ABCA3: variants seen among roughly 807,000 people sequenced by gnomAD.
The protein encoded by ABCA3 is ATP binding cassette subfamily A member 3.
In ABCA3, 88 loss-of-function variants were observed where a neutral mutation model predicts 172.8. The observed-to-expected ratio is 0.51, with a 90% confidence interval of 0.43 to 0.61. The LOEUF is 0.61. Ranked by LOEUF, ABCA3 falls within the 20% of genes least tolerant of loss-of-function variation. The probability of loss-of-function intolerance (pLI) is 0.00; values close to 1 mark genes in which losing one functional copy is unlikely to be tolerated. For synonymous variants in ABCA3, 1,066 were observed against 983.8 expected (o/e 1.08, Z -1.56); for missense variants, 2,164 against 2,301.0 (o/e 0.94, Z 1.22).
At position 2,283,985 on chromosome 16, in the gene ABCA3, G is replaced by A. The variant is rs2093658913; in HGVS notation, c.3862+294C>T. On this transcript the variant is annotated intron_variant, in intron 25 of 32. Transcript: ENST00000301732. The surrounding 1 kb of genome is among the most constrained non-coding windows in gnomAD (Gnocchi z 5.4). ...CCAGGAGATGGGAGAAGCAGGAAGG[G>A]TCCTCCCCTGAGCCATGGGGGATTC... is the stretch of plus-strand genomic sequence containing the variant. 5.7e-6 allele frequency: 2 copies of A among 352,172 alleles called. No homozygotes were observed. Among genetic ancestry groups the A allele is most frequent in the Admixed American group, 4.2e-5 (1 of 24,052 alleles). 21.8% of individuals were successfully genotyped at this position (352,172 alleles called of 1,614,324 possible).
Position 2,276,623 on chromosome 16 carries a change from G to A in ABCA3, c.*51C>T, listed in dbSNP as rs767326926. 1.7e-5 allele frequency: 28 copies of A among 1,603,148 alleles called. No individual in the cohort carries two copies. Among genetic ancestry groups the A allele is most frequent in the Non-Finnish European group, 2.0e-5 (24 of 1,176,158 alleles). ...CTTGGAGAGAGAGGATGTAAGATGGGCCCTGCTTGCCCGTCCTGTCCCTGC... is the reference window on the plus strand; with the variant it reads ...CTTGGAGAGAGAGGATGTAAGATGGACCCTGCTTGCCCGTCCTGTCCCTGC... On this transcript the variant is annotated 3_prime_UTR_variant, in exon 33 of 33. Coordinates refer to ENST00000301732, the MANE Select transcript of ABCA3 (RefSeq NM_001089.3).
rs2093665341 is a variant in ABCA3 at position 2,287,800 on chromosome 16, G to C, written c.3004+226C>G. Among the ~76,000 whole-genome samples, 1 of 152,192 alleles carries C rather than the reference G, an allele frequency of 6.6e-6. No individual in the cohort carries two copies. Among genetic ancestry groups the C allele is most frequent in the Non-Finnish European group, 1.5e-5 (1 of 68,036 alleles). On this transcript the variant is annotated intron_variant, in intron 21 of 32. Coordinates refer to ENST00000301732, the MANE Select transcript of ABCA3 (RefSeq NM_001089.3). The surrounding 1 kb of genome is among the most constrained non-coding windows in gnomAD (Gnocchi z 4.1). ...CCTCCAGGGCACTTCCCCTGACTCA[G>C]TGCCGTGATCTGCCACCCAGGGGAC... is the stretch of plus-strand genomic sequence containing the variant.
At chr16:2,329,096 AAC>A (rs2093739131) in intron 2 of ABCA3, among the ~76,000 whole-genome samples, 1 of 152,070 alleles carries the variant, frequency 6.6e-6, no homozygotes, top group Non-Finnish European at 1.5e-5. Context: ...TACAACTGCA[AAC>A]AGTTAAAAAT....
chr16:2,326,048 G>C lies in ABCA3; in HGVS notation c.281C>G (p.Thr94Ser). 3.7e-6 allele frequency: 6 copies of C among 1,614,098 alleles called. No individual in the cohort carries two copies. The highest frequency in any genetic ancestry group is 5.1e-6 in the Non-Finnish European group (6 of 1,180,022). ...CACAAGTGCCCTGCGCACTGTCTCA[G>C]TGACGGTCTTGGCAGCGTCACTGTG... ...PSHSDAAKTV[T>S]ETVRRALVIN... Residue 94 changes from threonine (T) to serine (S), a missense_variant, in exon 5 of 33, where the codon ACT becomes AGT. Coordinates refer to ENST00000301732, the MANE Select transcript of ABCA3 (RefSeq NM_001089.3).
chr16:2,292,315 C>A (rs534906547), intron 18 of ABCA3, 77 bp from the exon 19 acceptor site: 30 of 1,295,928 alleles, frequency 2.3e-5, no homozygotes, highest in Middle Eastern at 1.8e-4. Context: ...ATCACCCCCC[C>A]TCGGCCAGGC....
At chr16:2,323,742 A>G in intron 6 of ABCA3, 54 bp from the exon 7 acceptor site, 1 of 1,608,550 alleles carries the variant, frequency 6.2e-7, no homozygotes, top group Non-Finnish European at 8.5e-7. Context: ...CAGAGGGGCA[A>G]ACAACAGGGT....
Position 2,308,570 on chromosome 16 carries a change from A to C in ABCA3, c.1165T>G (p.Tyr389Asp), listed in dbSNP as rs771857586. The C allele has an allele frequency of 6.2e-7, 1 of 1,614,220 alleles. No individual in the cohort carries two copies. Among genetic ancestry groups the C allele is most frequent in the East Asian group, 2.2e-5 (1 of 44,882 alleles). The change falls in exon 11 of 33, where the codon TAC (tyrosine) becomes GAC (aspartate). Residue 389 changes from tyrosine to aspartate, a missense_variant. Tyr to Asp is a radical substitution (Grantham distance 160). Around this residue, in one of 3 missense-constraint regions of ABCA3, gnomAD observed 1,343 missense variants for 1,369.6 expected, o/e 0.98. Coordinates refer to ENST00000301732, the MANE Select transcript of ABCA3 (RefSeq NM_001089.3). ...TTGTACCGAGGGGCCACGAAGAAGT[A>C]GGGGATGTAGGTGAAGAAGTAGAGG... Reference protein sequence around the residue: ...GFLYFFTYIPYFFVAPRYNWM... With the variant: ...GFLYFFTYIPDFFVAPRYNWM...
chr16:2,294,653 C>G (rs2093677105), intron 18 of ABCA3, among the ~76,000 whole-genome samples: 1 of 152,124 alleles, frequency 6.6e-6, no homozygotes, highest in Non-Finnish European at 1.5e-5. Flanking sequence ...CCACTGCACT[C>G]CAGCCTGGGT....
At chr16:2,304,761 C>T (rs2093694984) in intron 11 of ABCA3, among the ~76,000 whole-genome samples, 1 of 151,048 alleles carries the variant, frequency 6.6e-6, no homozygotes, top group Non-Finnish European at 1.5e-5. Flanking sequence ...CTGCAAGCTC[C>T]ACCTCCCGGG....
chr16:2,283,484 G>C lies in ABCA3; in HGVS notation c.3863-126C>G. On this transcript the variant is annotated intron_variant, in intron 25 of 32. Coordinates refer to ENST00000301732, the MANE Select transcript of ABCA3 (RefSeq NM_001089.3). This position sits in a 1 kb window ranked among gnomAD's most constrained non-coding sequence, Gnocchi z 5.4. ...TGTAACAATGTCCCCTCCATGGGGA[G>C]ATGTGAAGGCCAGTAGGTCACAGCT... The C allele has an allele frequency of 9.1e-7, 1 of 1,093,818 alleles. No homozygotes were observed. The highest frequency in any genetic ancestry group is 1.3e-6 in the Non-Finnish European group (1 of 767,972). 67.8% of individuals were successfully genotyped at this position (1,093,818 alleles called of 1,614,324 possible). A position where few individuals can be genotyped will look rare whatever the true frequency, so the allele number is the denominator to read the frequency against.
At chr16:2,316,802 C>T (rs560065428) in intron 10 of ABCA3, among the ~76,000 whole-genome samples, 1 of 152,158 alleles carries the variant, frequency 6.6e-6, no homozygotes, top group African/African-American at 2.4e-5. Flanking sequence ...GGTAAGTAAT[C>T]AAGTGAAACA....
chr16:2,314,382 C>T (rs182876447), intron 10 of ABCA3, among the ~76,000 whole-genome samples: 20 of 151,406 alleles, frequency 1.3e-4, no homozygotes, highest in African/African-American at 1.7e-4. Flanking sequence ...AAACACTGTA[C>T]GATTCCTCTT....
At chr16:2,336,070 G>T (rs1296853510) in intron 1 of ABCA3, among the ~76,000 whole-genome samples, 3 of 152,142 alleles carry the variant, frequency 2.0e-5, no homozygotes, top group Non-Finnish European at 4.4e-5. Flanking sequence ...CAAAGAAAAA[G>T]TGACAGTATA....
intron 1 of ABCA3, among the ~76,000 whole-genome samples, chr16:2,331,764 G>A (rs1165565577): frequency 1.3e-5 from 2 of 152,196 alleles, no homozygotes; most frequent in South Asian, 2.1e-4. Context: ...GCCCAGGACC[G>A]GCCCCGGCTG....
At chr16:2,311,119 G>A (rs1477937916) in intron 10 of ABCA3, among the ~76,000 whole-genome samples, 3 of 151,710 alleles carry the variant, frequency 2.0e-5, no homozygotes, top group African/African-American at 7.3e-5. Context: ...GACTACAGGC[G>A]AGCGCCACCA....
In ABCA3 at chr16:2,278,191, ACT is replaced by A; in HGVS notation, c.4718+95_4718+96del. 1.3e-6 allele frequency: 2 copies of A among 1,596,432 alleles called. No individual in the cohort carries two copies. The highest frequency in any genetic ancestry group is 1.7e-6 in the Non-Finnish European group (2 of 1,174,960). On this transcript the variant is annotated intron_variant, in intron 30 of 32. Coordinates refer to ENST00000301732, the MANE Select transcript of ABCA3 (RefSeq NM_001089.3). The surrounding 1 kb of genome is among the most constrained non-coding windows in gnomAD (Gnocchi z 4.4). ...CATGCTCAGTGTGGCTCACGGGCAG[ACT>A]CTGCACCAGATGCTGATGGGTCTCC...
Position 2,324,446 on chromosome 16 carries a change from G to A in ABCA3, c.405C>T (p.Phe135=), listed in dbSNP as rs746445304. ...CCTTGCTGTGGTTGAAGGGGTGCTC[G>A]AAGACCACGGCGGCCAGCACGCTGG... ...CSSSVLAAVV[F]EHPFNHSKEP... The change falls in exon 6 of 33, where the codon TTC becomes TTT. Residue 135 remains phenylalanine (F), a synonymous_variant. Coordinates refer to ENST00000301732, the MANE Select transcript of ABCA3 (RefSeq NM_001089.3). The A allele has an allele frequency of 3.8e-5, 61 of 1,607,850 alleles. No individual in the cohort carries two copies. The highest frequency in any genetic ancestry group is 3.3e-4 in the Middle Eastern group (2 of 6,076).
chr16:2,329,069 T>C (rs2058093757), intron 2 of ABCA3, among the ~76,000 whole-genome samples: 1 of 151,712 alleles, frequency 6.6e-6, no homozygotes, highest in Non-Finnish European at 1.5e-5. Flanking sequence ...GGGTAGTCAA[T>C]AAATATTTAC....
intron 1 of ABCA3, among the ~76,000 whole-genome samples, chr16:2,334,904 T>C (rs1170411562): frequency 6.6e-6 from 1 of 151,222 alleles, no homozygotes; most frequent in Non-Finnish European, 1.5e-5. Context: ...TCTTGGCTCA[T>C]GGCTACATCC....
Sources: gnomAD v4.1 joint callset for allele counts (sites outside exome capture counted in the v4.1 genomes callset) on GRCh38, gnomAD v4.1.1 for gene constraint, gnomAD v4.1.1 regional missense constraint, Gnocchi (gnomAD v3.1) non-coding constraint, MANE v1.5 for transcripts, NCBI Gene and HGNC (gene_info 2026-07-23, HGNC 2026-07-21) for gene names.